EXO1: variants seen among roughly 807,000 people sequenced by gnomAD.
EXO1 encodes exonuclease 1.
EXO1 carries 69 observed loss-of-function variants against 84.5 expected under a neutral mutation model. The ratio of observed to expected loss-of-function variants is 0.82; its 90% CI spans 0.67 to 1.00. EXO1 has a LOEUF of 1.00. Among genes scored for constraint, EXO1 ranks in the 50% least tolerant of loss-of-function variants. The pLI is 0.00. For synonymous variants in EXO1, 373 were observed against 366.1 expected (o/e 1.02, Z -0.21); for missense variants, 1,045 against 1,000.7 (o/e 1.04, Z -0.60).
intron 13 of EXO1, 78 bp from the exon 14 acceptor site, chr1:241,881,838 T>A (rs1188220173): frequency 4.3e-6 from 3 of 705,094 alleles, no homozygotes; most frequent in Non-Finnish European, 7.6e-6. Flanking sequence ...TTCCATTTTG[T>A]TGAATATTAG....
chr1:241,855,839 G>A (rs558155164), intron 6 of EXO1, among the ~76,000 whole-genome samples: 1 of 152,242 alleles, frequency 6.6e-6, no homozygotes, highest in African/African-American at 2.4e-5. Flanking sequence ...AGCCCTCATT[G>A]CCTGGGGCCG....
At position 241,861,465 on chromosome 1, in the gene EXO1, T is replaced by C. The variant is rs112699482; in HGVS notation, c.1004T>C (p.Phe335Ser). Residue 335 changes from phenylalanine (F) to serine (S), a missense_variant, in exon 10 of 16, where the codon TTT (phenylalanine) becomes TCT (serine). Coordinates refer to ENST00000366548, the MANE Select transcript of EXO1 (RefSeq NM_130398.4). ...CTTGGAAATAAAGATATAAATACTTTTGAACAGATCGATGACTACAATCCA... is the reference window on the plus strand; with the variant it reads ...CTTGGAAATAAAGATATAAATACTTCTGAACAGATCGATGACTACAATCCA... ...IALGNKDINT[F>S]EQIDDYNPDT... 3.3e-5 allele frequency: 53 copies of C among 1,593,736 alleles called. No individual in the cohort carries two copies. The African/African-American group carries it at 3.5e-4, about 10-fold the overall frequency.
chr1:241,854,203 T>C (rs567061828), intron 6 of EXO1, among the ~76,000 whole-genome samples: 4 of 152,332 alleles, frequency 2.6e-5, no homozygotes, highest in African/African-American at 9.6e-5. Context: ...AATGGCACGA[T>C]GTGGGCTCAC....
At chr1:241,857,529 G>C in intron 7 of EXO1, 47 bp downstream of exon 7, 1 of 1,390,776 alleles carries the variant, frequency 7.2e-7, no homozygotes. Context: ...GTAGATAGTA[G>C]TGTAAATCAA....
chr1:241,867,204 ATACC>A, intron 11 of EXO1, 149 bp downstream of exon 11: 1 of 713,642 alleles, frequency 1.4e-6, no homozygotes, highest in Non-Finnish European at 2.5e-6. Context: ...TGATAAACAC[ATACC>A]TGAGACTGGG....
chr1:241,865,192 TA>T (rs201507493), intron 10 of EXO1, among the ~76,000 whole-genome samples: 14,291 of 149,466 alleles, frequency 0.096, 929 homozygotes, highest in Admixed American at 0.21. Context: ...TATATATATA[TA>T]TATTTTTTGA....
rs2148385440 is a variant in EXO1 at position 241,852,291 on chromosome 1, G to A, written c.162-1G>A. ...CTGAATGTTTTTCTTTTTTTCCATA[G>A]GTATGTAGGATTTTGTATGAAATTT... On this transcript the variant is annotated splice_acceptor_variant, in intron 4 of 15. Coordinates refer to ENST00000366548, the MANE Select transcript of EXO1 (RefSeq NM_130398.4). LOFTEE classifies it high-confidence loss of function. 1 of 1,602,026 alleles carries A rather than the reference G, an allele frequency of 6.2e-7. No individual in the cohort carries two copies. Among genetic ancestry groups the A allele is most frequent in the Non-Finnish European group, 8.5e-7 (1 of 1,170,784 alleles).
chr1:241,860,505 A>G lies in EXO1; in HGVS notation c.757-12A>G. On this transcript the variant is annotated splice_polypyrimidine_tract_variant and intron_variant, in intron 8 of 15. Transcript: ENST00000366548. ...TTAGTTGCAGATAAAATATTTTTGCATGCATTGTTAGGTTATCAAGAAAAT... is the reference window on the plus strand; with the variant it reads ...TTAGTTGCAGATAAAATATTTTTGCGTGCATTGTTAGGTTATCAAGAAAAT... 1 of 1,595,322 alleles carries G rather than the reference A, an allele frequency of 6.3e-7. No individual in the cohort carries two copies. The highest frequency in any genetic ancestry group is 8.6e-7 in the Non-Finnish European group (1 of 1,162,868).
In EXO1 at chr1:241,855,639, T is replaced by C. The variant is rs113937261; in HGVS notation, c.406-1706T>C. ...GGCGCCGTGGAGCAGGGGGTGGTGC[T>C]CGTTGGGGAGGCTCGGGCGGCACAG... On this transcript the variant is annotated intron_variant, in intron 6 of 15. Transcript: ENST00000366548. 8.5e-3 allele frequency among the ~76,000 whole-genome samples: 1,287 copies of C among 152,184 alleles called. 14 individuals are homozygous for C. The highest frequency in any genetic ancestry group is 0.03 in the African/African-American group (1,231 of 41,532).
chr1:241,863,215 T>G (rs1010430940), intron 10 of EXO1, among the ~76,000 whole-genome samples: 3 of 152,110 alleles, frequency 2.0e-5, no homozygotes, highest in African/African-American at 7.2e-5. Flanking sequence ...GCCTCTGAAG[T>G]CAGCACCATT....
In EXO1 at chr1:241,878,774, G is replaced by A. The variant is rs1269385506; in HGVS notation, c.1540G>A (p.Asp514Asn). Residue 514 changes from aspartate to asparagine, a missense_variant, in exon 13 of 16, where the codon GAC becomes AAC. Coordinates refer to ENST00000366548, the MANE Select transcript of EXO1 (RefSeq NM_130398.4). ...SRFFCSSDSTDCVSNKVSIQP... is the reference protein window; with the variant it reads ...SRFFCSSDSTNCVSNKVSIQP... ...GTTTTTTTGCAGTTCAGATTCTACT[G>A]ACTGTGTATCAAACAAAGTGAGCAT... The A allele has an allele frequency of 5.0e-6, 8 of 1,611,982 alleles. No homozygotes were observed. Among genetic ancestry groups the A allele is most frequent in the Non-Finnish European group, 5.9e-6 (7 of 1,178,596 alleles).
chr1:241,880,320 A>G (rs756678538), intron 13 of EXO1, among the ~76,000 whole-genome samples: 1 of 152,114 alleles, frequency 6.6e-6, no homozygotes, highest in Non-Finnish European at 1.5e-5. Flanking sequence ...ATCACTGTCA[A>G]TTTGTGAGGA....
intron 11 of EXO1, among the ~76,000 whole-genome samples, chr1:241,869,845 A>T (rs573385422): frequency 7.9e-6 from 1 of 127,138 alleles, no homozygotes; most frequent in South Asian, 2.4e-4. Context: ...AGACTGTGTC[A>T]CTGTGTCACC....
At chr1:241,851,331 A>G (rs953845735) in intron 4 of EXO1, among the ~76,000 whole-genome samples, 34 of 152,210 alleles carry the variant, frequency 2.2e-4, no homozygotes, top group African/African-American at 7.7e-4. Context: ...TCATTGTTCC[A>G]TACCAATGCA....
chr1:241,855,470 G>A (rs184212351), intron 6 of EXO1, among the ~76,000 whole-genome samples: 6 of 152,128 alleles, frequency 3.9e-5, no homozygotes, highest in Non-Finnish European at 8.8e-5. Context: ...TGAGCTAGAC[G>A]TAAAGATTCT....
At chr1:241,856,466 A>C (rs896416830) in intron 6 of EXO1, among the ~76,000 whole-genome samples, 10 of 152,068 alleles carry the variant, frequency 6.6e-5, no homozygotes, top group African/African-American at 2.2e-4. Flanking sequence ...CCTATAATAT[A>C]TATGTAAGAT....
intron 10 of EXO1, 128 bp from the exon 11 acceptor site, chr1:241,866,702 C>CTGTT: frequency 1.4e-6 from 1 of 734,534 alleles, no homozygotes; most frequent in Non-Finnish European, 2.4e-6. Context: ...TCAAGGACAG[C>CTGTT]TGTTTCATCA....
intron 15 of EXO1, among the ~76,000 whole-genome samples, chr1:241,885,925 C>T (rs1663047775): frequency 6.6e-6 from 1 of 151,862 alleles, no homozygotes. Context: ...GCGATCTCCA[C>T]TCACCGCAAC....
At chr1:241,885,656 T>A in intron 15 of EXO1, 149 bp downstream of exon 15, 1 of 698,252 alleles carries the variant, frequency 1.4e-6, no homozygotes, top group Non-Finnish European at 2.6e-6. Context: ...TTTAGCTAAC[T>A]CTTTATACTT....
Sources: allele counts gnomAD v4.1 joint callset (sites outside exome capture counted in the v4.1 genomes callset), GRCh38; gene constraint gnomAD v4.1.1; transcripts MANE v1.5; gene names NCBI Gene and HGNC (gene_info 2026-07-23, HGNC 2026-07-21).